Variants in NAALADL2 observed in about 807,000 individuals in gnomAD.
NAALADL2 encodes N-acetylated alpha-linked acidic dipeptidase like 2.
NAALADL2 carries 76 observed loss-of-function variants against 87.2 expected under a neutral mutation model. The observed-to-expected ratio is 0.87, with a 90% CI of 0.72 to 1.05. The LOEUF (loss-of-function observed/expected upper bound fraction) is 1.05, where lower values mean the gene tolerates loss of function less well. NAALADL2 is among the 50% of genes least tolerant of loss of function. NAALADL2 has a pLI of 0.00. For synonymous variants in NAALADL2, 354 were observed against 331.0 expected (o/e 1.07, Z -0.75); for missense variants, 1,089 against 945.8 (o/e 1.15, Z -1.99).
At chr3:175,238,685 GT>G (rs1230912834) in intron 3 of NAALADL2, among the ~76,000 whole-genome samples, 4 of 152,188 alleles carry the variant, frequency 2.6e-5, no homozygotes, top group African/African-American at 9.6e-5. Flanking sequence ...TTATATGCCT[GT>G]TTTAGATATA....
chr3:174,697,117 A>G (rs1729090274), intron 2 of NAALADL2, among the ~76,000 whole-genome samples: 3 of 121,302 alleles, frequency 2.5e-5, no homozygotes, highest in Non-Finnish European at 5.6e-5. Flanking sequence ...CTGACTTTGC[A>G]GTAAAAAAAT....
intron 5 of NAALADL2, among the ~76,000 whole-genome samples, chr3:175,331,169 C>T (rs538197040): frequency 4.0e-5 from 6 of 150,608 alleles, no homozygotes; most frequent in Non-Finnish European, 7.4e-5. Flanking sequence ...CTTCCAACAA[C>T]AACAAAAAAA....
intron 1 of NAALADL2, among the ~76,000 whole-genome samples, chr3:174,995,860 G>T (rs1231697018): frequency 6.6e-6 from 1 of 151,474 alleles, no homozygotes; most frequent in Non-Finnish European, 1.5e-5. Flanking sequence ...CCTCCCTCTG[G>T]ATTGAGTAAG....
chr3:175,620,482 G>T (rs1281233170), intron 10 of NAALADL2, among the ~76,000 whole-genome samples: 1 of 152,124 alleles, frequency 6.6e-6, no homozygotes, highest in Non-Finnish European at 1.5e-5. Context: ...CCGGGGTCTC[G>T]GCCCCCAGAA....
At chr3:174,453,269 G>C (rs2108276493) in intron 1 of NAALADL2, among the ~76,000 whole-genome samples, 1 of 152,224 alleles carries the variant, frequency 6.6e-6, no homozygotes, top group South Asian at 2.1e-4. Flanking sequence ...AACCCTCTGA[G>C]AAATATGGGA....
chr3:174,948,144 A>G (rs1470009991), intron 1 of NAALADL2, among the ~76,000 whole-genome samples: 1 of 151,088 alleles, frequency 6.6e-6, no homozygotes. Flanking sequence ...AAATATATTC[A>G]TGGAGGCCCA....
At chr3:175,423,051 A>ATATATATATATATTTT (rs1458599872) in intron 5 of NAALADL2, among the ~76,000 whole-genome samples, 4 of 91,508 alleles carry the variant, frequency 4.4e-5, no homozygotes, top group Admixed American at 3.0e-4. Flanking sequence ...ATATATATAT[A>ATATATATATATATTTT]TTTTTTTTTT....
chr3:175,290,930 C>T (rs1321473011), intron 4 of NAALADL2, among the ~76,000 whole-genome samples: 1 of 151,890 alleles, frequency 6.6e-6, no homozygotes, highest in African/African-American at 2.4e-5. Flanking sequence ...TTGAGTATTT[C>T]CTCAAGACAA....
chr3:175,704,354 G>A (rs926910035), intron 11 of NAALADL2, among the ~76,000 whole-genome samples: 4 of 152,118 alleles, frequency 2.6e-5, no homozygotes, highest in African/African-American at 9.7e-5. Context: ...TATTTTATGA[G>A]TTTCAGTAAC....
chr3:174,524,374 T>C (rs1720536554), intron 1 of NAALADL2, among the ~76,000 whole-genome samples: 1 of 152,224 alleles, frequency 6.6e-6, no homozygotes, highest in East Asian at 1.9e-4. Context: ...GGCGGGTGGA[T>C]GTTCAGCCTG....
intron 3 of NAALADL2, among the ~76,000 whole-genome samples, chr3:175,244,522 C>T (rs116627031): frequency 7.6e-4 from 115 of 152,006 alleles, no homozygotes; most frequent in Non-Finnish European, 1.0e-3. Context: ...TCAGATCTAC[C>T]ACCCAACTGT....
chr3:175,213,605 T>C (rs1418797643), intron 2 of NAALADL2, among the ~76,000 whole-genome samples: 1 of 152,178 alleles, frequency 6.6e-6, no homozygotes, highest in Non-Finnish European at 1.5e-5. Flanking sequence ...ATTTACATAG[T>C]GTAGTAGGTA....
intron 2 of NAALADL2, among the ~76,000 whole-genome samples, chr3:175,174,603 G>T (rs2108938934): frequency 6.6e-6 from 1 of 152,084 alleles, no homozygotes; most frequent in South Asian, 2.1e-4. Flanking sequence ...ATATTTTTAA[G>T]TTTAATTGGA....
intron 3 of NAALADL2, among the ~76,000 whole-genome samples, chr3:174,826,569 A>G (rs1454259521): frequency 1.3e-5 from 2 of 152,220 alleles, no homozygotes; most frequent in Non-Finnish European, 2.9e-5. Context: ...ATAGACCTTC[A>G]GTGCCAGAAA....
At chr3:175,640,844 C>A (rs563489039) in intron 11 of NAALADL2, among the ~76,000 whole-genome samples, 2 of 152,134 alleles carry the variant, frequency 1.3e-5, no homozygotes, top group South Asian at 4.2e-4. Flanking sequence ...TGCAGACAAC[C>A]AGGAAAATTA....
At chr3:174,568,003 G>A (rs1230653493) in intron 2 of NAALADL2, among the ~76,000 whole-genome samples, 1 of 151,612 alleles carries the variant, frequency 6.6e-6, no homozygotes. Context: ...AGTATTTATA[G>A]CTATTTTCAG....
chr3:174,672,224 A>G (rs1393589371), intron 2 of NAALADL2, among the ~76,000 whole-genome samples: 2 of 152,022 alleles, frequency 1.3e-5, no homozygotes, highest in African/African-American at 4.8e-5. Flanking sequence ...TTGGTTCTCT[A>G]TACTTCATAC....
chr3:175,333,185 G>T (rs1199276211), intron 5 of NAALADL2, among the ~76,000 whole-genome samples: 1 of 152,120 alleles, frequency 6.6e-6, no homozygotes, highest in East Asian at 1.9e-4. Context: ...CAGTCCTCTG[G>T]CCTGCAGATG....
chr3:174,674,729 T>G (rs1024676369), intron 2 of NAALADL2, among the ~76,000 whole-genome samples: 1 of 152,034 alleles, frequency 6.6e-6, no homozygotes, highest in Non-Finnish European at 1.5e-5. Context: ...TTTCCCTGCC[T>G]TTTTACTTCT....
Sources: allele counts gnomAD v4.1 joint callset (sites outside exome capture counted in the v4.1 genomes callset), GRCh38; gene constraint gnomAD v4.1.1; transcripts MANE v1.5; gene names NCBI Gene and HGNC (gene_info 2026-07-23, HGNC 2026-07-21).